The following MTHFD1L variants were observed in gnomAD, a reference collection of about 807,000 sequenced individuals.
MTHFD1L encodes the protein monofunctional C1-tetrahydrofolate synthase, mitochondrial.
Under a neutral mutation model 119.5 loss-of-function variants are expected in MTHFD1L, and 81 were observed. The ratio of observed to expected loss-of-function variants is 0.68; its 90% CI spans 0.57 to 0.82. The LOEUF (loss-of-function observed/expected upper bound fraction) is 0.82, where lower values mean the gene tolerates loss of function less well. MTHFD1L is among the 40% of genes least tolerant of loss of function. The probability of loss-of-function intolerance (pLI) is 0.00; values close to 1 mark genes in which losing one functional copy is unlikely to be tolerated. For missense variants in MTHFD1L, 1,125 were observed against 1,253.4 expected (o/e 0.90, Z 1.55); for synonymous variants, 430 against 475.2 (o/e 0.90, Z 1.24).
chr6:151,094,106 C>T (rs192025695), intron 27 of MTHFD1L, among the ~76,000 whole-genome samples: 22 of 152,272 alleles, frequency 1.4e-4, no homozygotes, highest in Admixed American at 5.9e-4. Context: ...TTCTCCTACC[C>T]CAGGGATCAA....
Position 150,885,664 on chromosome 6 carries a change from G to A in MTHFD1L, c.573G>A (p.Val191=), listed in dbSNP as rs768208656. Residue 191 remains valine, a synonymous_variant, in exon 6 of 28, where the codon GTG becomes GTA. Transcript: ENST00000367321. ...CAGACATAAACCTGGGGAAGCTGGT[G>A]CGAGGGGATGCCCATGAATGTTTTG... The part of the protein sequence containing the change: ...GVTDINLGKL[V]RGDAHECFVS... The A allele has an allele frequency of 1.9e-6, 3 of 1,614,030 alleles. No individual in the cohort carries two copies. Among genetic ancestry groups the A allele is most frequent in the South Asian group, 1.1e-5 (1 of 91,058 alleles).
intron 17 of MTHFD1L, among the ~76,000 whole-genome samples, chr6:150,957,416 G>A (rs969985228): frequency 3.3e-5 from 5 of 152,160 alleles, no homozygotes; most frequent in African/African-American, 1.2e-4. Context: ...TTTATGCAGC[G>A]TTAGTGGGAG....
intron 4 of MTHFD1L, among the ~76,000 whole-genome samples, chr6:150,878,573 C>G (rs1780859371): frequency 6.6e-6 from 1 of 152,150 alleles, no homozygotes; most frequent in Admixed American, 6.5e-5. Context: ...TTTTCTGGGA[C>G]ATGAATAAAG....
In MTHFD1L at chr6:150,926,947, G is replaced by A. The variant is rs558457078; in HGVS notation, c.1256+652G>A. On this transcript the variant is annotated intron_variant, in intron 11 of 27. Transcript: ENST00000367321. This position sits in a 1 kb window ranked among gnomAD's most constrained non-coding sequence, Gnocchi z 4.3. Reference sequence around the variant, plus strand: ...GCAAGGGATTTCAAATATTTATTCAGTGTGACCTGAGGGAACATCATGAGA... The same window carrying A: ...GCAAGGGATTTCAAATATTTATTCAATGTGACCTGAGGGAACATCATGAGA... 1.6e-4 allele frequency among the ~76,000 whole-genome samples: 25 copies of A among 152,248 alleles called. No individual in the cohort carries two copies. The highest frequency in any genetic ancestry group is 5.8e-4 in the African/African-American group (24 of 41,548).
intron 16 of MTHFD1L, among the ~76,000 whole-genome samples, chr6:150,951,847 A>T (rs539291880): frequency 6.6e-6 from 1 of 151,126 alleles, no homozygotes; most frequent in Non-Finnish European, 1.5e-5. Context: ...ACTTTTTTGG[A>T]GGTTTACTGA....
At chr6:150,895,976 A>G (rs1209538672) in intron 7 of MTHFD1L, among the ~76,000 whole-genome samples, 1 of 152,142 alleles carries the variant, frequency 6.6e-6, no homozygotes, top group Non-Finnish European at 1.5e-5. Context: ...CTGTTATCTC[A>G]GTGGTCTTCA....
chr6:151,081,498 C>CAAA (rs56795003), intron 26 of MTHFD1L, among the ~76,000 whole-genome samples: 49 of 98,142 alleles, frequency 5.0e-4, no homozygotes, highest in African/African-American at 1.6e-3. Flanking sequence ...ACTAAAAATG[C>CAAA]AAAAAAAAAA....
In MTHFD1L at chr6:151,034,681, A is replaced by G. The variant is rs967117624; in HGVS notation, c.2694+81A>G. 9 of 858,152 alleles carry G rather than the reference A, an allele frequency of 1.0e-5. No homozygotes were observed. In the African/African-American group the frequency reaches 1.5e-4, roughly 14 times the overall value. The allele number at this position is 858,152 out of a possible 1,614,324, so 53.2% of individuals were successfully genotyped here. A position where few individuals can be genotyped will look rare whatever the true frequency, so the allele number is the denominator to read the frequency against. On this transcript the variant is annotated intron_variant, in intron 25 of 27. Transcript: ENST00000367321. ...CTCAGCTTGACTTGAGGATTTGTAC[A>G]TATCGCACCAGCTAACCTTTGCTTA... is the stretch of plus-strand genomic sequence containing the variant.
intron 1 of MTHFD1L, among the ~76,000 whole-genome samples, chr6:150,868,858 C>G (rs971501917): frequency 1.3e-5 from 2 of 152,116 alleles, no homozygotes; most frequent in South Asian, 2.1e-4. Context: ...CCCAGGAGTT[C>G]AAGACCAGCC....
In MTHFD1L at chr6:151,093,551, G is replaced by A. The variant is rs182757648; in HGVS notation, c.*31+964G>A. ...GGGCACCTGTAATCCCAGCTACTCG[G>A]GAGGCTGAGGCAGAGAATTGCTTGA... On this transcript the variant is annotated intron_variant, in intron 27 of 27. Coordinates refer to ENST00000367321, the MANE Select transcript of MTHFD1L (RefSeq NM_015440.5). Among the ~76,000 whole-genome samples the A allele has an allele frequency of 1.6e-3, 246 of 152,234 alleles. 3 individuals carry two copies. The highest frequency in any genetic ancestry group is 0.014 in the Middle Eastern group (4 of 294).
chr6:151,084,970 GAAAA>G (rs3055594), intron 26 of MTHFD1L, among the ~76,000 whole-genome samples: 1,706 of 120,132 alleles, frequency 0.014, 23 homozygotes, highest in South Asian at 0.037. Flanking sequence ...CCATCTCAAA[GAAAA>G]AAAAAAAAAA....
At chr6:150,881,488 T>C (rs1447249679) in intron 4 of MTHFD1L, among the ~76,000 whole-genome samples, 5 of 152,136 alleles carry the variant, frequency 3.3e-5, no homozygotes, top group African/African-American at 1.2e-4. Context: ...TACCTTAATT[T>C]ATTAGTTAAG....
chr6:151,002,513 C>T (rs1005336509), intron 20 of MTHFD1L, among the ~76,000 whole-genome samples: 3 of 152,146 alleles, frequency 2.0e-5, no homozygotes, highest in East Asian at 1.9e-4. Flanking sequence ...CAGCTGCCGC[C>T]GCCCATGCTG....
chr6:150,939,683 C>CTT lies in MTHFD1L; in HGVS notation c.1440+956_1440+957dup, dbSNP rs751835547. Among the ~76,000 whole-genome samples the CTT allele has an allele frequency of 6.7e-3, 724 of 108,396 alleles. 28 individuals are homozygous for CTT. Among genetic ancestry groups the CTT allele is most frequent in the African/African-American group, 0.029 (679 of 23,466 alleles). The allele number at this position is 108,396 out of a possible 152,430, so 71.1% of individuals were successfully genotyped here. ...TACTGCGTCAAGCTCCTTGCAGACT[C>CTT]TTTTTTTTTTTTTTTTTTTGAGACA... On this transcript the variant is annotated intron_variant, in intron 13 of 27. Coordinates refer to ENST00000367321, the MANE Select transcript of MTHFD1L (RefSeq NM_015440.5).
intron 10 of MTHFD1L, 28 bp downstream of exon 10, chr6:150,922,330 T>C: frequency 6.3e-7 from 1 of 1,588,172 alleles, no homozygotes; most frequent in South Asian, 1.1e-5. Context: ...TTTACACTGA[T>C]GTCAGCTCAG....
At chr6:150,884,005 C>T (rs1487628497) in intron 5 of MTHFD1L, among the ~76,000 whole-genome samples, 1 of 152,116 alleles carries the variant, frequency 6.6e-6, no homozygotes, top group African/African-American at 2.4e-5. Flanking sequence ...GAAAAGGTGT[C>T]ATGAACACCT....
chr6:150,967,733 C>T lies in MTHFD1L; in HGVS notation c.2013+2696C>T, dbSNP rs555181476. On this transcript the variant is annotated intron_variant, in intron 19 of 27. Transcript: ENST00000367321. ...ATGACTCTGCCCTGTCCACGATGCT[C>T]AATGCCTCCCTCCTTCCTGCTTTAG... 3.3e-5 allele frequency among the ~76,000 whole-genome samples: 5 copies of T among 152,132 alleles called. No individual in the cohort carries two copies. In the South Asian group the frequency reaches 1.0e-3, roughly 32 times the overall value.
intron 7 of MTHFD1L, among the ~76,000 whole-genome samples, chr6:150,901,895 C>T (rs1785153262): frequency 1.3e-5 from 2 of 152,094 alleles, no homozygotes. Context: ...GTGTTGGTAA[C>T]ATTTGAAGGA....
At position 150,929,826 on chromosome 6, in the gene MTHFD1L, A is replaced by G. The variant is rs145411649; in HGVS notation, c.1256+3531A>G. Among the ~76,000 whole-genome samples, 459 of 152,254 alleles carry G rather than the reference A, an allele frequency of 3.0e-3. 3 individuals are homozygous for G. Among genetic ancestry groups the G allele is most frequent in the Non-Finnish European group, 5.4e-3 (368 of 68,030 alleles). On this transcript the variant is annotated intron_variant, in intron 11 of 27. Coordinates refer to ENST00000367321, the MANE Select transcript of MTHFD1L (RefSeq NM_015440.5). Reference sequence around the variant, plus strand: ...GAAATTCTAAGTTTCTTTACCTAACAAAGACCTTTGAAGGAACAAAAATTA... The same window carrying G: ...GAAATTCTAAGTTTCTTTACCTAACGAAGACCTTTGAAGGAACAAAAATTA...
Sources: allele counts gnomAD v4.1 joint callset (sites outside exome capture counted in the v4.1 genomes callset), GRCh38; gene constraint gnomAD v4.1.1; non-coding constraint Gnocchi (gnomAD v3.1); transcripts MANE v1.5; gene names NCBI Gene and HGNC (gene_info 2026-07-23, HGNC 2026-07-21).